The following CLSTN2 variants were observed in gnomAD, a reference collection of about 807,000 sequenced individuals.
The protein encoded by CLSTN2 is calsyntenin-2.
CLSTN2 carries 48 observed loss-of-function variants against 101.2 expected under a neutral mutation model. That is an observed-to-expected ratio of 0.47 (90% CI 0.38 to 0.60). The LOEUF is 0.60. Ranked by LOEUF, CLSTN2 falls within the 20% of genes least tolerant of loss-of-function variation. The pLI, the probability that CLSTN2 is intolerant of heterozygous loss-of-function variation, is 0.00. For missense variants in CLSTN2, 1,160 were observed against 1,238.2 expected (o/e 0.94, Z 0.95); for synonymous variants, 481 against 463.6 (o/e 1.04, Z -0.48).
intron 1 of CLSTN2, among the ~76,000 whole-genome samples, chr3:140,119,424 T>C (rs749449452): frequency 1.3e-5 from 2 of 152,228 alleles, no homozygotes; most frequent in Non-Finnish European, 2.9e-5. Flanking sequence ...GTCTAAAACA[T>C]GCAGCACATA....
chr3:140,465,121 C>CA (rs1187638862), intron 7 of CLSTN2, among the ~76,000 whole-genome samples: 5 of 152,058 alleles, frequency 3.3e-5, no homozygotes, highest in East Asian at 1.9e-4. Context: ...ATCAGATAAC[C>CA]AAAAAATCAA....
intron 2 of CLSTN2, among the ~76,000 whole-genome samples, chr3:140,206,817 G>T (rs972174472): frequency 6.6e-6 from 1 of 152,164 alleles, no homozygotes; most frequent in East Asian, 1.9e-4. Flanking sequence ...GAGTGTGCTT[G>T]AAGTGCTGTC....
intron 2 of CLSTN2, among the ~76,000 whole-genome samples, chr3:140,220,252 A>C (rs2086255589): frequency 6.6e-6 from 1 of 152,326 alleles, no homozygotes; most frequent in Admixed American, 6.5e-5. Context: ...CCTGGTGGAG[A>C]TCATCCACCT....
intron 2 of CLSTN2, among the ~76,000 whole-genome samples, chr3:140,202,199 T>C (rs1281136444): frequency 2.0e-5 from 3 of 152,194 alleles, no homozygotes; most frequent in African/African-American, 7.2e-5. Context: ...TACATTGTGA[T>C]AGGGCCTCTC....
At chr3:140,392,280 A>G (rs1485126598) in intron 2 of CLSTN2, among the ~76,000 whole-genome samples, 1 of 151,680 alleles carries the variant, frequency 6.6e-6, no homozygotes, top group Non-Finnish European at 1.5e-5. Flanking sequence ...AAAATATCCA[A>G]TATTATTATT....
intron 5 of CLSTN2, among the ~76,000 whole-genome samples, chr3:140,425,124 G>C (rs575315259): frequency 2.0e-5 from 3 of 152,304 alleles, no homozygotes; most frequent in African/African-American, 7.2e-5. Flanking sequence ...AGCAGGAGGG[G>C]ATTGCAGCAC....
intron 1 of CLSTN2, among the ~76,000 whole-genome samples, chr3:139,958,106 A>G (rs1020511902): frequency 1.3e-5 from 2 of 152,256 alleles, no homozygotes; most frequent in African/African-American, 4.8e-5. Flanking sequence ...CTCTCCTTCA[A>G]AAGGAGAAAC....
chr3:140,468,229 T>G (rs533577613), intron 8 of CLSTN2, among the ~76,000 whole-genome samples: 1 of 152,344 alleles, frequency 6.6e-6, no homozygotes, highest in African/African-American at 2.4e-5. Context: ...ATGGGATGTT[T>G]TAAAATATAT....
At chr3:140,138,750 A>G (rs2009653000) in intron 1 of CLSTN2, among the ~76,000 whole-genome samples, 1 of 152,166 alleles carries the variant, frequency 6.6e-6, no homozygotes, top group Admixed American at 6.5e-5. Context: ...CTCCTGGTTG[A>G]GCCAGGCCTT....
At chr3:140,469,901 AT>A (rs1475516141) in intron 8 of CLSTN2, among the ~76,000 whole-genome samples, 1 of 152,146 alleles carries the variant, frequency 6.6e-6, no homozygotes, top group Non-Finnish European at 1.5e-5. Context: ...GACTCATTTT[AT>A]TGAGCATTTT....
chr3:140,491,119 A>G (rs980853043), intron 8 of CLSTN2, among the ~76,000 whole-genome samples: 2 of 152,204 alleles, frequency 1.3e-5, no homozygotes, highest in African/African-American at 2.4e-5. Flanking sequence ...CATACTTTAT[A>G]TGACAACCAA....
At chr3:140,201,735 C>T (rs751838863) in intron 2 of CLSTN2, among the ~76,000 whole-genome samples, 3 of 152,086 alleles carry the variant, frequency 2.0e-5, no homozygotes, top group Non-Finnish European at 2.9e-5. Context: ...GCTTACATCA[C>T]AGCTGAGGTA....
At chr3:140,270,470 A>G (rs1238326454) in intron 2 of CLSTN2, among the ~76,000 whole-genome samples, 1 of 152,182 alleles carries the variant, frequency 6.6e-6, no homozygotes, top group African/African-American at 2.4e-5. Context: ...TCCGGTTGTT[A>G]GGGAAGAATT....
intron 2 of CLSTN2, among the ~76,000 whole-genome samples, chr3:140,357,894 T>C (rs2087690542): frequency 6.6e-6 from 1 of 152,154 alleles, no homozygotes; most frequent in Non-Finnish European, 1.5e-5. Context: ...CTGGATTACA[T>C]GTCAGGAATG....
chr3:140,532,489 A>T lies in CLSTN2; in HGVS notation c.1507+3A>T. The T allele has an allele frequency of 1.9e-6, 3 of 1,611,086 alleles. No individual in the cohort carries two copies. The highest frequency in any genetic ancestry group is 2.5e-6 in the Non-Finnish European group (3 of 1,178,304). ...CACAGTCGGCGCTTGTTGGCAAGGT[A>T]ATCCTAAGTGAAACCCTTTTCTCTG... On this transcript the variant is annotated splice_donor_region_variant and intron_variant, in intron 9 of 16. Coordinates refer to ENST00000458420, the MANE Select transcript of CLSTN2 (RefSeq NM_022131.3).
chr3:140,546,455 C>A, intron 9 of CLSTN2, 60 bp from the exon 10 acceptor site: 1 of 1,560,586 alleles, frequency 6.4e-7, no homozygotes, highest in Non-Finnish European at 8.7e-7. Flanking sequence ...CAAGTGGTGC[C>A]TTGAGGTGCT....
intron 2 of CLSTN2, among the ~76,000 whole-genome samples, chr3:140,292,197 C>T (rs1157440850): frequency 6.6e-6 from 1 of 152,090 alleles, no homozygotes; most frequent in Non-Finnish European, 1.5e-5. Context: ...ACACCCAAAC[C>T]CTCTCACCTC....
rs147938432 is a variant in CLSTN2 at position 140,422,396 on chromosome 3, T to C, written c.787+1122T>C. Among the ~76,000 whole-genome samples, 707 of 152,284 alleles carry C rather than the reference T, an allele frequency of 4.6e-3. 9 individuals are homozygous for C. Among genetic ancestry groups the C allele is most frequent in the African/African-American group, 0.016 (679 of 41,552 alleles). ...TCAGGGTCAGATTGGCAGGACATCA[T>C]GGTACAAAGTAAGGACACCTGTTTC... On this transcript the variant is annotated intron_variant, in intron 5 of 16. Coordinates refer to ENST00000458420, the MANE Select transcript of CLSTN2 (RefSeq NM_022131.3).
intron 2 of CLSTN2, among the ~76,000 whole-genome samples, chr3:140,227,392 G>T (rs1474257719): frequency 6.6e-6 from 1 of 152,232 alleles, no homozygotes; most frequent in Non-Finnish European, 1.5e-5. Context: ...GATGCAAGAA[G>T]TTGGTTTCTA....
Sources: gnomAD v4.1 joint callset for allele counts (sites outside exome capture counted in the v4.1 genomes callset) on GRCh38, gnomAD v4.1.1 for gene constraint, MANE v1.5 for transcripts, NCBI Gene and HGNC (gene_info 2026-07-23, HGNC 2026-07-21) for gene names.